The following LOC128092252 variants were observed in gnomAD, a reference collection of about 807,000 sequenced individuals.
the LOC128092252 span, among the ~76,000 whole-genome samples, chr15:50,679,391 A>G: frequency 6.7e-6 from 1 of 148,922 alleles, no homozygotes; most frequent in Non-Finnish European, 1.5e-5. Context: ...AGTAAGCCAT[A>G]TCAACCCATT....
the LOC128092252 span, among the ~76,000 whole-genome samples, chr15:50,657,095 G>A: frequency 2.6e-5 from 4 of 152,060 alleles, no homozygotes; most frequent in African/African-American, 7.2e-5. Context: ...AGGCCGAGGC[G>A]GGTGGATCAC....
chr15:50,678,525 T>A, the LOC128092252 span, among the ~76,000 whole-genome samples: 13,921 of 108,816 alleles, frequency 0.13, 757 homozygotes, highest in East Asian at 0.22. Context: ...AAAATATATA[T>A]ATATATATAT....
the LOC128092252 span, among the ~76,000 whole-genome samples, chr15:50,664,261 G>A: frequency 7.1e-6 from 1 of 140,456 alleles, no homozygotes; most frequent in Non-Finnish European, 1.5e-5. Flanking sequence ...AGTGAGCCGA[G>A]ATCGCGCCAC....
the LOC128092252 span, among the ~76,000 whole-genome samples, chr15:50,653,443 T>TAGA: frequency 7.2e-5 from 11 of 152,364 alleles, no homozygotes; most frequent in African/African-American, 2.6e-4. Flanking sequence ...TGATTCATTC[T>TAGA]AGCTAATCAT....
the LOC128092252 span, among the ~76,000 whole-genome samples, chr15:50,660,863 A>T: frequency 9.9e-5 from 15 of 152,220 alleles, no homozygotes; most frequent in Non-Finnish European, 1.5e-4. Flanking sequence ...AAAGATCTTC[A>T]TTGTGGCCTA....
At chr15:50,654,423 G>A in the LOC128092252 span, among the ~76,000 whole-genome samples, 24 of 151,000 alleles carry the variant, frequency 1.6e-4, no homozygotes, top group African/African-American at 5.8e-4. Flanking sequence ...CTCCAGCCTG[G>A]GCAACAGAAC....
chr15:50,678,658 G>A, the LOC128092252 span, among the ~76,000 whole-genome samples: 1 of 151,450 alleles, frequency 6.6e-6, no homozygotes, highest in African/African-American at 2.4e-5. Context: ...TTTTAGATAC[G>A]AACCCTATGA....
the LOC128092252 span, among the ~76,000 whole-genome samples, chr15:50,663,479 A>C: frequency 4.0e-4 from 61 of 152,118 alleles, no homozygotes; most frequent in Non-Finnish European, 7.6e-4. Flanking sequence ...TACATACCAT[A>C]ATCTGAGGAT....
chr15:50,648,969 A>T, the LOC128092252 span: 13 of 1,008,100 alleles, frequency 1.3e-5, no homozygotes, highest in Admixed American at 3.3e-5. Context: ...TGAACCGACA[A>T]ATATAAGCTT....
the LOC128092252 span, among the ~76,000 whole-genome samples, chr15:50,654,065 G>A: frequency 1.3e-5 from 2 of 152,106 alleles, no homozygotes; most frequent in African/African-American, 4.8e-5. Context: ...ATGGACAAAA[G>A]AATCTATCAA....
the LOC128092252 span, among the ~76,000 whole-genome samples, chr15:50,649,965 C>T: frequency 1.3e-5 from 2 of 151,790 alleles, no homozygotes; most frequent in African/African-American, 2.4e-5. Context: ...GAGGCCGAGA[C>T]GGGCAGATTA....
the LOC128092252 span, among the ~76,000 whole-genome samples, chr15:50,650,854 C>T: frequency 2.6e-5 from 4 of 152,188 alleles, no homozygotes; most frequent in Admixed American, 1.3e-4. Flanking sequence ...ATGCCAGTAA[C>T]CAAAAACATA....
chr15:50,659,360 A>AT, the LOC128092252 span, among the ~76,000 whole-genome samples: 2 of 152,160 alleles, frequency 1.3e-5, no homozygotes, highest in Non-Finnish European at 2.9e-5. Flanking sequence ...ATAACATCAG[A>AT]TTTTTTATTA....
the LOC128092252 span, among the ~76,000 whole-genome samples, chr15:50,685,205 G>A: frequency 6.6e-6 from 1 of 152,222 alleles, no homozygotes; most frequent in Non-Finnish European, 1.5e-5. Flanking sequence ...GCTCACGCCT[G>A]TAATCCCAGG....
chr15:50,650,569 C>G, the LOC128092252 span, among the ~76,000 whole-genome samples: 1 of 152,032 alleles, frequency 6.6e-6, no homozygotes, highest in Non-Finnish European at 1.5e-5. Context: ...GTGGCGTACG[C>G]TTGTAGTCCC....
chr15:50,668,564 G>A, the LOC128092252 span, among the ~76,000 whole-genome samples: 42 of 152,306 alleles, frequency 2.8e-4, no homozygotes, highest in Admixed American at 2.0e-3. Flanking sequence ...CTGGAGGGCA[G>A]TGGCATGATC....
At chr15:50,664,319 A>AT in the LOC128092252 span, among the ~76,000 whole-genome samples, 1 of 151,778 alleles carries the variant, frequency 6.6e-6, no homozygotes, top group South Asian at 2.1e-4. Context: ...AAAAAAAAAA[A>AT]AAAAAAAAAG....
At chr15:50,683,231 CT>C in the LOC128092252 span, among the ~76,000 whole-genome samples, 1 of 102,264 alleles carries the variant, frequency 9.8e-6, no homozygotes, top group East Asian at 3.0e-4. Flanking sequence ...CAGGCAGTCA[CT>C]TAAAAAAAAA....
chr15:50,652,006 A>C, the LOC128092252 span, among the ~76,000 whole-genome samples: 1 of 151,972 alleles, frequency 6.6e-6, no homozygotes, highest in Non-Finnish European at 1.5e-5. Context: ...AGCAAATTAA[A>C]CTCAAAGTAA....
Sources: allele counts gnomAD v4.1 joint callset (sites outside exome capture counted in the v4.1 genomes callset), GRCh38; gene constraint gnomAD v4.1.1; transcripts MANE v1.5.